The following KIF1C variants were observed in gnomAD, a reference collection of about 807,000 sequenced individuals.
The protein encoded by KIF1C is kinesin family member 1C, also known as kinesin-like protein KIF1C.
KIF1C carries 61 observed loss-of-function variants against 126.5 expected under a neutral mutation model. That is an observed-to-expected ratio of 0.48 (90% CI 0.39 to 0.60). KIF1C has a LOEUF of 0.60. Ranked by LOEUF, KIF1C falls within the 20% of genes least tolerant of loss-of-function variation. The probability of loss-of-function intolerance (pLI) is 0.00; values close to 1 mark genes in which losing one functional copy is unlikely to be tolerated. For missense variants in KIF1C, 1,315 were observed against 1,489.2 expected (o/e 0.88, Z 1.93); for synonymous variants, 640 against 580.6 (o/e 1.10, Z -1.47).
At chr17:5,001,156 A>C in intron 4 of KIF1C, 66 bp from the exon 5 acceptor site, 1 of 1,511,848 alleles carries the variant, frequency 6.6e-7, no homozygotes, top group Non-Finnish European at 9.1e-7. Context: ...GACTCTTGGG[A>C]CAGAGACACA....
chr17:5,013,877 T>C (rs1190033863), intron 17 of KIF1C, 145 bp downstream of exon 17: 4 of 605,614 alleles, frequency 6.6e-6, no homozygotes, highest in Admixed American at 3.0e-5. Flanking sequence ...CCCTGCACGC[T>C]CTCCCAGCTT....
chr17:5,023,470 T>G lies in KIF1C; in HGVS notation c.2631T>G (p.Asp877Glu). ...RMERVIPLAQ[D>E]HEDENEEGGE... ...CTTTTCTCACTCCTCCCTCCCAGGA[T>G]CATGAGGATGAGAATGAAGAAGGTG... Residue 877 changes from aspartate to glutamate, a missense_variant and splice_region_variant, in exon 23 of 23, where the codon GAT (aspartate) becomes GAG (glutamate). Asp to Glu is a conservative substitution (Grantham distance 45). Around this residue, in one of 2 missense-constraint regions of KIF1C, gnomAD observed 441 missense variants for 436.1 expected, o/e 1.01. Coordinates refer to ENST00000320785, the MANE Select transcript of KIF1C (RefSeq NM_006612.6). The surrounding 1 kb of genome is among the most constrained non-coding windows in gnomAD (Gnocchi z 4.2). 1 of 1,613,394 alleles carries G rather than the reference T, an allele frequency of 6.2e-7. No homozygotes were observed. Among genetic ancestry groups the G allele is most frequent in the South Asian group, 1.1e-5 (1 of 91,056 alleles).
chr17:5,020,763 A>G lies in KIF1C; in HGVS notation c.1938-43A>G, dbSNP rs771179307. 22 of 1,600,442 alleles carry G rather than the reference A, an allele frequency of 1.4e-5. No homozygotes were observed. The highest frequency in any genetic ancestry group is 2.6e-6 in the Non-Finnish European group (3 of 1,173,094). On this transcript the variant is annotated intron_variant, in intron 20 of 22. Coordinates refer to ENST00000320785, the MANE Select transcript of KIF1C (RefSeq NM_006612.6). The surrounding 1 kb of genome is among the most constrained non-coding windows in gnomAD (Gnocchi z 5.8). ...GGCCCGTGTCCTCCTCTTGTCAGAT[A>G]CTCACCAAGGTTGCTCTTCCTTCCC...
rs755276210 is a variant in KIF1C, at chr17:5,013,733, G to A, written c.1571+1G>A. On this transcript the variant is annotated splice_donor_variant, in intron 17 of 22. Coordinates refer to ENST00000320785, the MANE Select transcript of KIF1C (RefSeq NM_006612.6). LOFTEE classifies it high-confidence loss of function. ...ACCACATCAAAGATGGCGTCACCAG[G>A]TAGCGTGTACCCAGCGGCCTGGGGG... The A allele has an allele frequency of 1.2e-6, 2 of 1,613,428 alleles. No homozygotes were observed. The highest frequency in any genetic ancestry group is 2.2e-5 in the East Asian group (1 of 44,860).
chr17:5,003,570 C>T lies in KIF1C; in HGVS notation c.721-42C>T, dbSNP rs955309136. The T allele has an allele frequency of 2.1e-6, 3 of 1,449,110 alleles. No individual in the cohort carries two copies. In the African/African-American group the frequency reaches 4.2e-5, roughly 20 times the overall value. 89.8% of individuals were successfully genotyped at this position (1,449,110 alleles called of 1,614,324 possible). On this transcript the variant is annotated intron_variant, in intron 8 of 22. Coordinates refer to ENST00000320785, the MANE Select transcript of KIF1C (RefSeq NM_006612.6). ...CTTCCCTGATTTCCCTGCCCCGTCC[C>T]CCACCCGCACCTTATCTCCTGCCTG... is the stretch of plus-strand genomic sequence containing the variant.
chr17:5,023,883 C>G lies in KIF1C; in HGVS notation c.3044C>G (p.Thr1015Ser). 1 of 1,541,588 alleles carries G rather than the reference C, an allele frequency of 6.5e-7. No individual in the cohort carries two copies. The highest frequency in any genetic ancestry group is 1.4e-5 in the African/African-American group (1 of 72,700). Residue 1015 changes from threonine to serine, a missense_variant, in exon 23 of 23, where the codon ACC (threonine) becomes AGC (serine). This residue lies in a region of KIF1C where 441 missense variants were observed against 436.1 expected (regional missense o/e 1.01). Transcript: ENST00000320785. This position sits in a 1 kb window ranked among gnomAD's most constrained non-coding sequence, Gnocchi z 4.2. ...GAGGAGGTCACTCCCCATCCAGCCA[C>G]CCCTGCCCGCCGGCCTCCGAGTCCC... ...PPEEVTPHPATPARRPPSPRR... is the reference protein window; with the variant it reads ...PPEEVTPHPASPARRPPSPRR...
intron 4 of KIF1C, 102 bp from the exon 5 acceptor site, chr17:5,001,120 T>C (rs779102219): frequency 2.0e-4 from 254 of 1,251,650 alleles, no homozygotes; most frequent in Non-Finnish European, 2.8e-4. Context: ...ACAGGACATT[T>C]GGGGAATCGT....
At position 5,022,419 on chromosome 17, in the gene KIF1C, C is replaced by G. The variant is rs199782010; in HGVS notation, c.2338C>G (p.Arg780Gly). The G allele has an allele frequency of 1.9e-6, 3 of 1,579,648 alleles. No homozygotes were observed. The highest frequency in any genetic ancestry group is 2.3e-5 in the South Asian group (2 of 87,384). Reference protein sequence around the residue: ...EIEALAALKMRELCRTYGKPD... With the variant: ...EIEALAALKMGELCRTYGKPD... ...TGAGGCCCTGGCCGCCCTCAAGATG[C>G]GGGAGCTGTGTCGCACCTATGGCAA... The change falls in exon 22 of 23, where the codon CGG (arginine) becomes GGG (glycine). Residue 780 changes from arginine (R) to glycine (G), a missense_variant. Around this residue, in one of 2 missense-constraint regions of KIF1C, gnomAD observed 874 missense variants for 1,053.2 expected, o/e 0.83. Coordinates refer to ENST00000320785, the MANE Select transcript of KIF1C (RefSeq NM_006612.6). This position sits in a 1 kb window ranked among gnomAD's most constrained non-coding sequence, Gnocchi z 4.9.
At position 5,002,718 on chromosome 17, in the gene KIF1C, T is replaced by G; in HGVS notation, c.609-13T>G. ...GAGAGGCAGGATCCAGTGACTGCTT[T>G]CTTTACCCTAAGGACTGTGGCTGCC... On this transcript the variant is annotated splice_polypyrimidine_tract_variant and intron_variant, in intron 7 of 22. Transcript: ENST00000320785. The G allele has an allele frequency of 6.2e-7, 1 of 1,613,976 alleles. No individual in the cohort carries two copies. Among genetic ancestry groups the G allele is most frequent in the Non-Finnish European group, 8.5e-7 (1 of 1,179,890 alleles).
chr17:5,006,854 A>T, intron 13 of KIF1C, 61 bp from the exon 14 acceptor site: 1 of 1,548,378 alleles, frequency 6.5e-7, no homozygotes, highest in East Asian at 2.3e-5. Flanking sequence ...GGTCTCCTGG[A>T]TGTCTCTCAT....
rs572036047 is a variant in KIF1C at position 5,018,515 on chromosome 17, C to T, written c.1667-1481C>T. Among the ~76,000 whole-genome samples, 21 of 151,788 alleles carry T rather than the reference C, an allele frequency of 1.4e-4. No homozygotes were observed. In the South Asian group the frequency reaches 1.7e-3, roughly 12 times the overall value. ...GACCAGCCTGACCAACATGGAGAAA[C>T]CCCGTCTCTACTAAAAATACAAAAT... On this transcript the variant is annotated intron_variant, in intron 18 of 22. Coordinates refer to ENST00000320785, the MANE Select transcript of KIF1C (RefSeq NM_006612.6).
Position 5,007,458 on chromosome 17 carries a change from T to C in KIF1C, c.1416-9T>C, listed in dbSNP as rs754692559. ...GTAAGACTGACATTTGCCTCTCCTC[T>C]GCCCACAGAGAAGCATTGCTGGCTG... On this transcript the variant is annotated splice_polypyrimidine_tract_variant and intron_variant, in intron 15 of 22. Transcript: ENST00000320785. 4 of 1,599,294 alleles carry C rather than the reference T, an allele frequency of 2.5e-6. No individual in the cohort carries two copies. In the Admixed American group the frequency reaches 6.9e-5, roughly 28 times the overall value.
intron 18 of KIF1C, among the ~76,000 whole-genome samples, chr17:5,019,054 C>T (rs557474378): frequency 2.6e-4 from 40 of 152,286 alleles, no homozygotes; most frequent in South Asian, 1.9e-3. Flanking sequence ...CTCTCCCCAT[C>T]GGCTTCTGAG....
Position 5,014,740 on chromosome 17 carries a change from C to T in KIF1C, c.1572-3C>T, listed in dbSNP as rs141461209. On this transcript the variant is annotated splice_region_variant and splice_polypyrimidine_tract_variant and intron_variant, in intron 17 of 22. Transcript: ENST00000320785. ...TCACAAACGTTGGCCATTGCTTCCC[C>T]AGGGTCGGCCAAGTAGATATGGACA... is the stretch of plus-strand genomic sequence containing the variant. The T allele has an allele frequency of 2.3e-4, 367 of 1,584,848 alleles. 2 individuals are homozygous for T. In the African/African-American group the frequency reaches 3.4e-3, roughly 15 times the overall value.
chr17:5,022,420 G>A lies in KIF1C; in HGVS notation c.2339G>A (p.Arg780Gln), dbSNP rs749770926. The A allele has an allele frequency of 8.2e-6, 13 of 1,579,976 alleles. No individual in the cohort carries two copies. The highest frequency in any genetic ancestry group is 2.7e-5 in the African/African-American group (2 of 74,184). Reference protein sequence around the residue: ...EIEALAALKMRELCRTYGKPD... With the variant: ...EIEALAALKMQELCRTYGKPD... ...GAGGCCCTGGCCGCCCTCAAGATGC[G>A]GGAGCTGTGTCGCACCTATGGCAAG... The change falls in exon 22 of 23, where the codon CGG (arginine) becomes CAG (glutamine). Residue 780 changes from arginine to glutamine, a missense_variant. Coordinates refer to ENST00000320785, the MANE Select transcript of KIF1C (RefSeq NM_006612.6). The surrounding 1 kb of genome is among the most constrained non-coding windows in gnomAD (Gnocchi z 4.9).
chr17:5,005,090 A>G (rs1296796723), intron 13 of KIF1C, 90 bp downstream of exon 13: 1 of 1,527,682 alleles, frequency 6.5e-7, no homozygotes, highest in Non-Finnish European at 9.0e-7. Flanking sequence ...GGAGCCAGGG[A>G]GGGACCACAC....
At position 4,997,960 on chromosome 17, in the gene KIF1C, G is replaced by A. The variant is rs1204640902; in HGVS notation, c.-345G>A. ...CCTCGCTCCCGCCCCAGCTCGCGCT[G>A]CCCGGGCGGGCGCCGGCCGCTGGCG... On this transcript the variant is annotated 5_prime_UTR_variant, in exon 1 of 23. Coordinates refer to ENST00000320785, the MANE Select transcript of KIF1C (RefSeq NM_006612.6). 6.8e-6 allele frequency: 1 copy of A among 147,896 alleles called. No homozygotes were observed. The highest frequency in any genetic ancestry group is 2.4e-5 in the African/African-American group (1 of 40,976). 9.2% of individuals were successfully genotyped at this position (147,896 alleles called of 1,614,324 possible). A position where few individuals can be genotyped will look rare whatever the true frequency, so the allele number is the denominator to read the frequency against.
intron 6 of KIF1C, 85 bp from the exon 7 acceptor site, chr17:5,002,379 G>A: frequency 7.6e-7 from 1 of 1,310,206 alleles, no homozygotes; most frequent in Non-Finnish European, 1.1e-6. Context: ...GCAGTCACCT[G>A]GATCGTGTCC....
intron 11 of KIF1C, 60 bp from the exon 12 acceptor site, chr17:5,004,507 C>T (rs1247355143): frequency 7.3e-6 from 11 of 1,502,886 alleles, no homozygotes; most frequent in Middle Eastern, 1.7e-4. Flanking sequence ...CCCTGTGACC[C>T]GGTCTGACTT....
Sources: allele counts gnomAD v4.1 joint callset (sites outside exome capture counted in the v4.1 genomes callset), GRCh38; gene constraint gnomAD v4.1.1; regional missense constraint gnomAD v4.1.1; non-coding constraint Gnocchi (gnomAD v3.1); transcripts MANE v1.5; gene names NCBI Gene and HGNC (gene_info 2026-07-23, HGNC 2026-07-21).